The following RIN2 variants were observed in gnomAD, a reference collection of about 807,000 sequenced individuals.
The protein encoded by RIN2 is Ras and Rab interactor 2, also known as RAB5 interacting protein 2.
In RIN2, 36 loss-of-function variants were observed where a neutral mutation model predicts 78.0. The ratio of observed to expected loss-of-function variants is 0.46; its 90% CI spans 0.35 to 0.61. The LOEUF is 0.61. Among genes scored for constraint, RIN2 ranks in the 20% least tolerant of loss-of-function variants. RIN2 has a pLI of 0.00. For missense variants in RIN2, 1,087 were observed against 1,159.7 expected (o/e 0.94, Z 0.91); for synonymous variants, 466 against 466.8 (o/e 1.00, Z 0.02).
At chr20:19,826,936 G>T (rs973998488) in intron 2 of RIN2, among the ~76,000 whole-genome samples, 2 of 149,248 alleles carry the variant, frequency 1.3e-5, no homozygotes, top group Non-Finnish European at 3.0e-5. Flanking sequence ...GTTATTGTTG[G>T]TGGTGGTGGT....
intron 6 of RIN2, among the ~76,000 whole-genome samples, chr20:19,964,064 A>G (rs2146273074): frequency 6.6e-6 from 1 of 151,994 alleles, no homozygotes; most frequent in Admixed American, 6.5e-5. Context: ...GGGTTTTGCC[A>G]TGTTGGCCAG....
intron 2 of RIN2, among the ~76,000 whole-genome samples, chr20:19,824,596 T>A (rs1255404423): frequency 6.6e-6 from 1 of 152,060 alleles, no homozygotes; most frequent in South Asian, 2.1e-4. Context: ...GCTTCCAGAA[T>A]AGAATGAATC....
At chr20:19,861,955 G>C (rs1383079740) in intron 2 of RIN2, among the ~76,000 whole-genome samples, 1 of 143,476 alleles carries the variant, frequency 7.0e-6, no homozygotes, top group Non-Finnish European at 1.5e-5. Flanking sequence ...TTCCATATTT[G>C]ATGCTCACCC....
At chr20:19,826,772 T>G (rs976895734) in intron 2 of RIN2, among the ~76,000 whole-genome samples, 1 of 152,148 alleles carries the variant, frequency 6.6e-6, no homozygotes, top group African/African-American at 2.4e-5. Context: ...TTGGTGGCAA[T>G]CCATCAACTG....
intron 4 of RIN2, chr20:19,935,737 C>T: frequency 2.2e-6 from 1 of 445,624 alleles, no homozygotes; most frequent in Non-Finnish European, 3.0e-6. Flanking sequence ...AAGGCGATAC[C>T]TGTGCACATA....
intron 1 of RIN2, among the ~76,000 whole-genome samples, chr20:19,790,144 A>C (rs575238258): frequency 6.6e-6 from 1 of 152,308 alleles, no homozygotes; most frequent in East Asian, 1.9e-4. Flanking sequence ...TGTTTTCTGA[A>C]TATAGACTTA....
chr20:19,823,985 A>G, intron 2 of RIN2: 1 of 1,283,298 alleles, frequency 7.8e-7, no homozygotes, highest in Non-Finnish European at 1.1e-6. Context: ...ATTCAGGACG[A>G]CCGAAGAAAG....
At chr20:19,885,901 A>T (rs1406104275) in intron 2 of RIN2, among the ~76,000 whole-genome samples, 1 of 152,024 alleles carries the variant, frequency 6.6e-6, no homozygotes, top group African/African-American at 2.4e-5. Flanking sequence ...ATAAAATAAA[A>T]TCCTTCCCCC....
chr20:19,911,204 C>A (rs1011228016), intron 3 of RIN2, among the ~76,000 whole-genome samples: 1 of 152,026 alleles, frequency 6.6e-6, no homozygotes, highest in African/African-American at 2.4e-5. Context: ...GCATGCACCA[C>A]CTTGCCCAGC....
intron 3 of RIN2, among the ~76,000 whole-genome samples, chr20:19,898,661 G>A (rs1343923248): frequency 6.6e-6 from 1 of 152,164 alleles, no homozygotes; most frequent in Non-Finnish European, 1.5e-5. Context: ...CCTTTTTACA[G>A]AACAGAAATC....
At position 19,791,510 on chromosome 20, in the gene RIN2, G is replaced by A. The variant is rs959356961; in HGVS notation, c.-162-8112G>A. Among the ~76,000 whole-genome samples the A allele has an allele frequency of 3.9e-5, 6 of 152,178 alleles. No homozygotes were observed. The South Asian group carries it at 1.0e-3, about 26-fold the overall frequency. On this transcript the variant is annotated intron_variant, in intron 1 of 12. Coordinates refer to ENST00000255006, the MANE Select transcript of RIN2 (RefSeq NM_018993.4). ...CCCCCTGCCTCAGATATTATTATGT[G>A]GAAGTGAGGAAAGCTTCATAAAATT...
intron 6 of RIN2, 101 bp downstream of exon 6, chr20:19,960,912 G>A: frequency 1.4e-6 from 1 of 700,326 alleles, no homozygotes; most frequent in South Asian, 1.9e-5. Context: ...GGCAGATATG[G>A]GCCTGAGTCT....
chr20:19,896,538 C>A (rs1463665914), intron 3 of RIN2, among the ~76,000 whole-genome samples: 2 of 152,214 alleles, frequency 1.3e-5, no homozygotes, highest in Admixed American at 6.6e-5. Flanking sequence ...GTAGACGGAA[C>A]ATCACCTGCC....
intron 3 of RIN2, among the ~76,000 whole-genome samples, chr20:19,926,465 G>T (rs1334585688): frequency 6.6e-6 from 1 of 151,984 alleles, no homozygotes; most frequent in Non-Finnish European, 1.5e-5. Flanking sequence ...GGGGGCAAAG[G>T]TCATTTGAAA....
intron 2 of RIN2, among the ~76,000 whole-genome samples, chr20:19,816,563 C>T (rs2035773627): frequency 1.3e-5 from 2 of 152,138 alleles, no homozygotes; most frequent in Non-Finnish European, 2.9e-5. Context: ...TTTTGCCTTG[C>T]TAGGCCTCGG....
At chr20:19,959,231 A>C (rs915029035) in intron 5 of RIN2, among the ~76,000 whole-genome samples, 17 of 152,200 alleles carry the variant, frequency 1.1e-4, no homozygotes, top group African/African-American at 4.1e-4. Flanking sequence ...GACTTTGCCA[A>C]CCCCTGATAT....
chr20:19,941,108 C>A (rs2040853407), intron 4 of RIN2, among the ~76,000 whole-genome samples: 1 of 152,216 alleles, frequency 6.6e-6, no homozygotes, highest in Non-Finnish European at 1.5e-5. Context: ...ACCACAGAAC[C>A]AGACATGACA....
At chr20:19,896,764 A>G (rs1240135196) in intron 3 of RIN2, among the ~76,000 whole-genome samples, 1 of 152,220 alleles carries the variant, frequency 6.6e-6, no homozygotes, top group Non-Finnish European at 1.5e-5. Context: ...GCCTCAGAGC[A>G]TAGAAACAAT....
At chr20:19,929,488 A>G (rs2040358700) in intron 3 of RIN2, among the ~76,000 whole-genome samples, 1 of 152,142 alleles carries the variant, frequency 6.6e-6, no homozygotes, top group Non-Finnish European at 1.5e-5. Flanking sequence ...CAGCCTCCCA[A>G]GTAGCTGGAA....
Sources: allele counts gnomAD v4.1 joint callset (sites outside exome capture counted in the v4.1 genomes callset), GRCh38; gene constraint gnomAD v4.1.1; transcripts MANE v1.5; gene names NCBI Gene and HGNC (gene_info 2026-07-23, HGNC 2026-07-21).